PRPF38A: variants seen among roughly 807,000 people sequenced by gnomAD.
PRPF38A encodes the protein pre-mRNA processing factor 38A.
Under a neutral mutation model 46.8 loss-of-function variants are expected in PRPF38A, and 11 were observed. The ratio of observed to expected loss-of-function variants is 0.24; its 90% confidence interval spans 0.15 to 0.39. PRPF38A has a LOEUF of 0.39. Ranked by LOEUF, PRPF38A falls within the 10% of genes least tolerant of loss-of-function variation. The pLI, the probability that PRPF38A is intolerant of heterozygous loss-of-function variation, is 1.00. For synonymous variants in PRPF38A, 124 were observed against 136.2 expected, an observed-to-expected ratio of 0.91 and a Z score of 0.62; for missense variants, 261 against 407.5, an observed-to-expected ratio of 0.64 and a Z score of 3.10.
rs1361729579 is a variant in PRPF38A, at chr1:52,419,605, CAA to C, written c.*2918_*2919del. 2 of 150,602 alleles carry C rather than the reference CAA, an allele frequency of 1.3e-5. No homozygotes were observed. Among genetic ancestry groups the C allele is most frequent in the East Asian group, 1.9e-4 (1 of 5,150 alleles). The allele number at this position is 150,602 out of a possible 1,614,324, so 9.3% of individuals were successfully genotyped here. On this transcript the variant is annotated 3_prime_UTR_variant, in exon 10 of 10. Coordinates refer to ENST00000257181, the MANE Select transcript of PRPF38A (RefSeq NM_032864.4). ...ATGATCTCTTTAAAAAAAAAAAGTT[CAA>C]AAGAGATTAAGAGATGAAAAATAAG...
intron 1 of PRPF38A, 47 bp downstream of exon 1, chr1:52,404,926 T>G: frequency 1.2e-6 from 2 of 1,603,996 alleles, no homozygotes; most frequent in Non-Finnish European, 1.7e-6. Flanking sequence ...TGTGGCCCAT[T>G]TCTCCTGACC....
chr1:52,419,455 G>T lies in PRPF38A; in HGVS notation c.*2765G>T, dbSNP rs1197963647. 6.6e-6 allele frequency: 1 copy of T among 151,782 alleles called. No individual in the cohort carries two copies. Among genetic ancestry groups the T allele is most frequent in the South Asian group, 2.1e-4 (1 of 4,834 alleles). The allele number at this position is 151,782 out of a possible 1,614,324, so 9.4% of individuals were successfully genotyped here. On this transcript the variant is annotated 3_prime_UTR_variant, in exon 10 of 10. Transcript: ENST00000257181. ...TCATTCCTCTAACCTCTTCCTGTTT[G>T]TTATTCTTCAGTAGACCGAAGTTTA...
At position 52,405,852 on chromosome 1, in the gene PRPF38A, T is replaced by C. The variant is rs555995911; in HGVS notation, c.290+13T>C. On this transcript the variant is annotated intron_variant, in intron 2 of 9. Transcript: ENST00000257181. ...ATGAAGATTTCAAGTGAGTGCAATG[T>C]TCACTAGCTAATATAAGAGGTTTAA... is the stretch of plus-strand genomic sequence containing the variant. 2.5e-5 allele frequency: 41 copies of C among 1,610,898 alleles called. No individual in the cohort carries two copies. The highest frequency in any genetic ancestry group is 3.1e-5 in the Non-Finnish European group (37 of 1,177,196).
chr1:52,408,523 G>GTT (rs1318385920), intron 2 of PRPF38A, 46 bp from the exon 3 acceptor site: 32 of 1,613,080 alleles, frequency 2.0e-5, no homozygotes, highest in Non-Finnish European at 2.6e-5. Context: ...GTAAAACTCA[G>GTT]GAACTTCTAG....
rs926161313 is a variant in PRPF38A, at chr1:52,420,156, A to G, written c.*3466A>G. On this transcript the variant is annotated 3_prime_UTR_variant, in exon 10 of 10. Coordinates refer to ENST00000257181, the MANE Select transcript of PRPF38A (RefSeq NM_032864.4). ...GTGCCAGGAATTTTATACTTTGCCA[A>G]AGTTGTCTTAAAATACAAAGGCTAT... The G allele has an allele frequency of 2.6e-5, 4 of 152,240 alleles. No individual in the cohort carries two copies. The highest frequency in any genetic ancestry group is 7.2e-5 in the African/African-American group (3 of 41,456). 9.4% of individuals were successfully genotyped at this position (152,240 alleles called of 1,614,324 possible).
In PRPF38A at chr1:52,419,881, C is replaced by G. The variant is rs951836267; in HGVS notation, c.*3191C>G. On this transcript the variant is annotated 3_prime_UTR_variant, in exon 10 of 10. Coordinates refer to ENST00000257181, the MANE Select transcript of PRPF38A (RefSeq NM_032864.4). ...CAGGCTAACACAGTGAAACCCGTCT[C>G]TACTAAAAATACAAAAAATTAGCTG... The G allele has an allele frequency of 6.6e-6, 1 of 152,154 alleles. No individual in the cohort carries two copies. The highest frequency in any genetic ancestry group is 1.5e-5 in the Non-Finnish European group (1 of 68,084). The allele number at this position is 152,154 out of a possible 1,614,324, so 9.4% of individuals were successfully genotyped here.
At chr1:52,410,085 T>A (rs928076835) in intron 3 of PRPF38A, among the ~76,000 whole-genome samples, 15 of 148,848 alleles carry the variant, frequency 1.0e-4, no homozygotes, top group African/African-American at 3.7e-4. Flanking sequence ...TATAATTATA[T>A]TTACATACAA....
In PRPF38A at chr1:52,409,274, A is replaced by G. The variant is rs562943662; in HGVS notation, c.412+584A>G. 4.6e-5 allele frequency among the ~76,000 whole-genome samples: 7 copies of G among 152,348 alleles called. No homozygotes were observed. The South Asian group carries it at 1.4e-3, about 32-fold the overall frequency. The stretch of plus-strand genomic sequence containing the variant: ...CTTGGTGTCATAACAGAAGATAGGA[A>G]CATTTACCTTTCCCCCTACATGTAT... On this transcript the variant is annotated intron_variant, in intron 3 of 9. Coordinates refer to ENST00000257181, the MANE Select transcript of PRPF38A (RefSeq NM_032864.4).
chr1:52,413,823 C>G, intron 5 of PRPF38A, 56 bp from the exon 6 acceptor site: 1 of 1,152,850 alleles, frequency 8.7e-7, no homozygotes, highest in African/African-American at 1.5e-5. Context: ...ATTAGTGTTC[C>G]TAGATGGCTC....
chr1:52,409,989 A>G (rs1029851712), intron 3 of PRPF38A, among the ~76,000 whole-genome samples: 1 of 151,898 alleles, frequency 6.6e-6, no homozygotes, highest in South Asian at 2.1e-4. Context: ...TTACCATGGA[A>G]GTTCTCAAAA....
chr1:52,416,828 T>A lies in PRPF38A; in HGVS notation c.*138T>A, dbSNP rs1648307224. On this transcript the variant is annotated 3_prime_UTR_variant, in exon 10 of 10. Transcript: ENST00000257181. ...TATCAAGTTTCTCAACCTTTATTTTTAATGAAGGAGGTGCTGAGTTTTGTA... is the reference window on the plus strand; with the variant it reads ...TATCAAGTTTCTCAACCTTTATTTTAAATGAAGGAGGTGCTGAGTTTTGTA... 4.3e-6 allele frequency: 3 copies of A among 698,964 alleles called. No homozygotes were observed. Among genetic ancestry groups the A allele is most frequent in the Admixed American group, 4.9e-5 (2 of 40,658 alleles). 43.3% of individuals were successfully genotyped at this position (698,964 alleles called of 1,614,324 possible).
rs551980568 is a variant in PRPF38A, at chr1:52,411,030, A to C, written c.413-85A>C. 1.9e-5 allele frequency: 17 copies of C among 917,090 alleles called. No homozygotes were observed. In the South Asian group the frequency reaches 2.2e-4, roughly 12 times the overall value. The allele number at this position is 917,090 out of a possible 1,614,324, so 56.8% of individuals were successfully genotyped here. On this transcript the variant is annotated intron_variant, in intron 3 of 9. Transcript: ENST00000257181. ...AGAGGCCTAGCACATAGATGTCCTG[A>C]TATGAAGTCTTAACACTTCTTTTAC...
chr1:52,416,365 A>G (rs1648292058), intron 9 of PRPF38A, among the ~76,000 whole-genome samples: 3 of 148,966 alleles, frequency 2.0e-5, no homozygotes, highest in South Asian at 2.1e-4. Context: ...CTGGAGTGCA[A>G]TGGCCCAATC....
intron 1 of PRPF38A, 41 bp downstream of exon 1, chr1:52,404,920 G>A (rs749884101): frequency 1.2e-6 from 2 of 1,607,678 alleles, no homozygotes; most frequent in South Asian, 2.2e-5. Context: ...CCCCCTTGTG[G>A]CCCATTTCTC....
rs151154002 is a variant in PRPF38A at position 52,408,834 on chromosome 1, C to G, written c.412+144C>G. ...TGTCTCTATGCAGGTTTTCCCTTGT[C>G]CCTCATGGGAGTTTTCAGTCTGACT... On this transcript the variant is annotated intron_variant, in intron 3 of 9. Transcript: ENST00000257181. The G allele has an allele frequency of 6.9e-5, 71 of 1,029,196 alleles. No homozygotes were observed. The East Asian group carries it at 1.8e-3, about 27-fold the overall frequency. 63.8% of individuals were successfully genotyped at this position (1,029,196 alleles called of 1,614,324 possible). A position where few individuals can be genotyped will look rare whatever the true frequency, so the allele number is the denominator to read the frequency against.
Position 52,408,730 on chromosome 1 carries a change from C to T in PRPF38A, c.412+40C>T. 1.2e-6 allele frequency: 2 copies of T among 1,606,864 alleles called. No individual in the cohort carries two copies. The highest frequency in any genetic ancestry group is 1.7e-6 in the Non-Finnish European group (2 of 1,174,822). On this transcript the variant is annotated intron_variant, in intron 3 of 9. Transcript: ENST00000257181. Reference sequence around the variant, plus strand: ...AAGTCTCCTGATTGTCATTTTTAAGCCAGTTTTTATTTTACCAGTACTTCT... The same window carrying T: ...AAGTCTCCTGATTGTCATTTTTAAGTCAGTTTTTATTTTACCAGTACTTCT...
Position 52,419,725 on chromosome 1 carries a change from A to AAAT in PRPF38A, c.*3037_*3039dup, listed in dbSNP as rs1285570274. 1 of 152,222 alleles carries AAAT rather than the reference A, an allele frequency of 6.6e-6. No individual in the cohort carries two copies. Among genetic ancestry groups the AAAT allele is most frequent in the Non-Finnish European group, 1.5e-5 (1 of 68,058 alleles). The allele number at this position is 152,222 out of a possible 1,614,324, so 9.4% of individuals were successfully genotyped here. On this transcript the variant is annotated 3_prime_UTR_variant, in exon 10 of 10. Transcript: ENST00000257181. The stretch of plus-strand genomic sequence containing the variant: ...GGAGGAAATAAAAAATGGAAAAGAG[A>AAAT]AATATGTAGAATAAAGAAATATTCT...
At chr1:52,405,168 C>T (rs1647941746) in intron 1 of PRPF38A, among the ~76,000 whole-genome samples, 2 of 152,094 alleles carry the variant, frequency 1.3e-5, no homozygotes, top group Admixed American at 1.3e-4. Flanking sequence ...CTCAGGGATC[C>T]GGATATAACA....
At position 52,405,808 on chromosome 1, in the gene PRPF38A, A is replaced by G; in HGVS notation, c.259A>G (p.Ile87Val). Residue 87 changes from isoleucine (I) to valine (V), a missense_variant, in exon 2 of 10, where the codon ATT becomes GTT. By Grantham distance (29) the Ile-to-Val change is conservative. Transcript: ENST00000257181. ...TCAAATTCAACCCGAGAAGGATATC[A>G]TTGTAGAGTTTATCAAAAATGAAGA... ...MLQIQPEKDI[I>V]VEFIKNEDFK... 1 of 1,614,038 alleles carries G rather than the reference A, an allele frequency of 6.2e-7. No individual in the cohort carries two copies. Among genetic ancestry groups the G allele is most frequent in the Non-Finnish European group, 8.5e-7 (1 of 1,179,902 alleles).
Sources: allele counts gnomAD v4.1 joint callset (sites outside exome capture counted in the v4.1 genomes callset), GRCh38; gene constraint gnomAD v4.1.1; transcripts MANE v1.5; gene names NCBI Gene and HGNC (gene_info 2026-07-23, HGNC 2026-07-21).